The following FAM83C variants were observed in gnomAD, a reference collection of about 807,000 sequenced individuals.
The protein encoded by FAM83C is scaffolding CK1 anchoring protein C, also known as protein FAM83C.
Under a neutral mutation model 27.1 loss-of-function variants are expected in FAM83C, and 23 were observed. That is an observed-to-expected ratio of 0.85 (90% CI 0.61 to 1.20). The LOEUF is 1.20. Among genes scored for constraint, FAM83C ranks in the 50% most tolerant of loss-of-function variants. The pLI is 0.00. For missense variants in FAM83C, 984 were observed against 1,001.3 expected (o/e 0.98, Z 0.23); for synonymous variants, 426 against 423.1 (o/e 1.01, Z -0.09).
Position 35,288,779 on chromosome 20 carries a change from G to A in FAM83C, c.681+12C>T, listed in dbSNP as rs1459626009. 3 of 1,602,466 alleles carry A rather than the reference G, an allele frequency of 1.9e-6. No individual in the cohort carries two copies. The highest frequency in any genetic ancestry group is 1.7e-6 in the Non-Finnish European group (2 of 1,172,996). ...CCCACACCCCTGGTTACTGCCCCTG[G>A]TCCTCACTGACCGGCAGGTGCTCCC... On this transcript the variant is annotated intron_variant, in intron 2 of 3. Transcript: ENST00000374408.
Position 35,289,044 on chromosome 20 carries a change from C to T in FAM83C, c.514-86G>A, listed in dbSNP as rs889788699. 2.2e-5 allele frequency: 33 copies of T among 1,509,148 alleles called. No homozygotes were observed. In the African/African-American group the frequency reaches 2.4e-4, roughly 11 times the overall value. 93.5% of individuals were successfully genotyped at this position (1,509,148 alleles called of 1,614,324 possible). A position where few individuals can be genotyped will look rare whatever the true frequency, so the allele number is the denominator to read the frequency against. On this transcript the variant is annotated intron_variant, in intron 1 of 3. Transcript: ENST00000374408. ...AAACCTGGGGCAGGAAACTGGGCGC[C>T]GGGAAAAGAGTACTGGACTGAAAAT...
chr20:35,288,717 G>A (rs2060837744), intron 2 of FAM83C, 74 bp downstream of exon 2: 1 of 1,546,118 alleles, frequency 6.5e-7, no homozygotes, highest in African/African-American at 1.4e-5. Flanking sequence ...GTGCTGACTG[G>A]CCACCCACTG....
chr20:35,292,255 C>T lies in FAM83C; in HGVS notation c.50G>A (p.Gly17Glu), dbSNP rs554604483. Reference protein sequence around the residue: ...PGVLGAQGMAGPLRGRVEELK... With the variant: ...PGVLGAQGMAEPLRGRVEELK... ...CTCTTCCACCCGGCCCCGCAGGGGTCCCGCCATGCCCTGGGCTCCCAGGAC... is the reference window on the plus strand; with the variant it reads ...CTCTTCCACCCGGCCCCGCAGGGGTTCCGCCATGCCCTGGGCTCCCAGGAC... The change falls in exon 1 of 4, where the codon GGA becomes GAA. Residue 17 changes from glycine (G) to glutamate (E), a missense_variant. Coordinates refer to ENST00000374408, the MANE Select transcript of FAM83C (RefSeq NM_178468.6). The T allele has an allele frequency of 3.8e-5, 60 of 1,563,570 alleles. 1 individual carries two copies. In the South Asian group the frequency reaches 6.5e-4, roughly 17 times the overall value.
At position 35,287,677 on chromosome 20, in the gene FAM83C, C is replaced by T; in HGVS notation, c.1102G>A (p.Gly368Ser). 1 of 1,614,040 alleles carries T rather than the reference C, an allele frequency of 6.2e-7. No individual in the cohort carries two copies. Among genetic ancestry groups the T allele is most frequent in the South Asian group, 1.1e-5 (1 of 91,076 alleles). The part of the protein sequence containing the change: ...GRSSYLALPG[G>S]GDCSDTGVVS... ...ACACCCGTATCACTGCAATCACCAC[C>T]TCCTGGTAGAGCGAGGTAGGAGGAG... The change falls in exon 4 of 4, where the codon GGT becomes AGT. Residue 368 changes from glycine to serine, a missense_variant. By Grantham distance (56) the Gly-to-Ser change is moderately conservative. Transcript: ENST00000374408.
rs775928751 is a variant in FAM83C at position 35,286,555 on chromosome 20, G to A, written c.2224C>T (p.Arg742Ter). Residue 742 changes from arginine (R) to a stop codon, truncating the protein, a stop_gained, in exon 4 of 4, where the codon CGA becomes TGA. Coordinates refer to ENST00000374408, the MANE Select transcript of FAM83C (RefSeq NM_178468.6). LOFTEE classifies it high-confidence loss of function. ...KYNKSKFKQL[R>*]SRFES ...TTTGGCTAGGACTCAAAGCGGCTTC[G>A]GAGCTGCTTGAACTTGGACTTGTTG... 42 of 1,612,626 alleles carry A rather than the reference G, an allele frequency of 2.6e-5. 2 individuals are homozygous for A. The highest frequency in any genetic ancestry group is 2.2e-4 in the South Asian group (20 of 90,932).
Position 35,287,287 on chromosome 20 carries a change from T to C in FAM83C, c.1492A>G (p.Lys498Glu), listed in dbSNP as rs1402464999. Residue 498 changes from lysine (K) to glutamate (E), a missense_variant, in exon 4 of 4, where the codon AAG becomes GAG. Physicochemically the swap from Lys to Glu is moderately conservative, Grantham distance 56. Transcript: ENST00000374408. ...CCACGGCTCTGACTTGGAGATGCCT[T>C]CTTCTCCTTCTCCTCCACTGTCTCC... ...TLETVEEKEK[K>E]ASPSQSRGQL... 9.3e-6 allele frequency: 15 copies of C among 1,613,286 alleles called. No individual in the cohort carries two copies. The African/African-American group carries it at 1.7e-4, about 19-fold the overall frequency.
At position 35,286,241 on chromosome 20, in the gene FAM83C, G is replaced by A; in HGVS notation, c.*294C>T. 2.6e-6 allele frequency: 1 copy of A among 381,034 alleles called. No homozygotes were observed. The highest frequency in any genetic ancestry group is 4.3e-5 in the Admixed American group (1 of 23,142). The allele number at this position is 381,034 out of a possible 1,614,324, so 23.6% of individuals were successfully genotyped here. On this transcript the variant is annotated 3_prime_UTR_variant, in exon 4 of 4. Transcript: ENST00000374408. The stretch of plus-strand genomic sequence containing the variant: ...TGATATGGCTCTGACCCCTTCTCCA[G>A]CAGCTTGTGCATTTCACCTCTGTCC...
chr20:35,288,326 C>A (rs1284932907), intron 3 of FAM83C, 135 bp downstream of exon 3: 5 of 1,484,502 alleles, frequency 3.4e-6, no homozygotes, highest in Non-Finnish European at 3.6e-6. Flanking sequence ...ACACCCTCCC[C>A]TGAGCCTGGC....
intron 1 of FAM83C, 113 bp downstream of exon 1, chr20:35,291,679 G>T (rs2060847180): frequency 7.2e-7 from 1 of 1,391,212 alleles, no homozygotes; most frequent in Non-Finnish European, 9.9e-7. Context: ...TGCCAGAGGT[G>T]CTGGTCCTCA....
chr20:35,286,681 C>T lies in FAM83C; in HGVS notation c.2098G>A (p.Gly700Ser), dbSNP rs1402019825. 2 of 1,613,944 alleles carry T rather than the reference C, an allele frequency of 1.2e-6. No homozygotes were observed. Among genetic ancestry groups the T allele is most frequent in the South Asian group, 1.1e-5 (1 of 91,070 alleles). Residue 700 changes from glycine (G) to serine (S), a missense_variant, in exon 4 of 4, where the codon GGT becomes AGT. By Grantham distance (56) the Gly-to-Ser change is moderately conservative. Transcript: ENST00000374408. The part of the protein sequence containing the change: ...HGARQGTEPG[G>S]PKGGHLNGGN... ...CCATTGAGATGGCCACCCTTGGGAC[C>T]CCCAGGCTCAGTTCCCTGCCTGGCC...
intron 1 of FAM83C, 117 bp from the exon 2 acceptor site, chr20:35,289,075 G>A: frequency 7.6e-7 from 1 of 1,324,408 alleles, no homozygotes; most frequent in Non-Finnish European, 1.0e-6. Context: ...AAAATCAGGA[G>A]GCCAGAGCCT....
Position 35,287,984 on chromosome 20 carries a change from G to T in FAM83C, c.807-12C>A. The T allele has an allele frequency of 6.4e-7, 1 of 1,560,024 alleles. No individual in the cohort carries two copies. The highest frequency in any genetic ancestry group is 2.4e-5 in the East Asian group (1 of 42,388). On this transcript the variant is annotated splice_polypyrimidine_tract_variant and intron_variant, in intron 3 of 3. Coordinates refer to ENST00000374408, the MANE Select transcript of FAM83C (RefSeq NM_178468.6). ...AAAGCCAGGTGAAGCTGGGGGCAGA[G>T]GGACAGGGGGGTCAGGAGGCAAAGT...
rs200441982 is a variant in FAM83C at position 35,286,794 on chromosome 20, G to A, written c.1985C>T (p.Thr662Met). 8.1e-6 allele frequency: 13 copies of A among 1,613,878 alleles called. No homozygotes were observed. The South Asian group carries it at 9.9e-5, about 12-fold the overall frequency. The change falls in exon 4 of 4, where the codon ACG becomes ATG. Residue 662 changes from threonine (T) to methionine (M), a missense_variant. By Grantham distance (81) the Thr-to-Met change is moderately conservative. Coordinates refer to ENST00000374408, the MANE Select transcript of FAM83C (RefSeq NM_178468.6). ...CTCATCCCCAGACCCAGCTCCAGCC[G>A]TGCGAGCAGGGCTTGATATCGGGAG... ...NGLPISSPAR[T>M]AGAGSGDEKR...
chr20:35,288,995 C>T, intron 1 of FAM83C, 37 bp from the exon 2 acceptor site: 7 of 1,593,680 alleles, frequency 4.4e-6, no homozygotes, highest in Non-Finnish European at 6.0e-6. Flanking sequence ...TCAGCGCTGC[C>T]CAGGGCACTC....
In FAM83C at chr20:35,291,866, C is replaced by T. The variant is rs759608381; in HGVS notation, c.439G>A (p.Val147Met). Reference protein sequence around the residue: ...QATGFSPTQAVVHFQRDKAKN... With the variant: ...QATGFSPTQAMVHFQRDKAKN... ...GCCTTGTCCCTCTGGAAGTGGACCA[C>T]AGCCTGGGTGGGGCTGAAGCCTGTG... Residue 147 changes from valine (V) to methionine (M), a missense_variant, in exon 1 of 4, where the codon GTG (valine) becomes ATG (methionine). Coordinates refer to ENST00000374408, the MANE Select transcript of FAM83C (RefSeq NM_178468.6). 2 of 1,614,058 alleles carry T rather than the reference C, an allele frequency of 1.2e-6. No homozygotes were observed. Among genetic ancestry groups the T allele is most frequent in the Non-Finnish European group, 1.7e-6 (2 of 1,180,042 alleles).
rs1204895600 is a variant in FAM83C at position 35,286,738 on chromosome 20, C to T, written c.2041G>A (p.Asp681Asn). The T allele has an allele frequency of 6.2e-7, 1 of 1,614,094 alleles. No homozygotes were observed. Among genetic ancestry groups the T allele is most frequent in the Non-Finnish European group, 8.5e-7 (1 of 1,180,044 alleles). The part of the protein sequence containing the change: ...KRLTLGHSKL[D>N]LITKYHQLHG... Reference sequence around the variant, plus strand: ...AACTGATGATACTTGGTGATGAGGTCCAGCTTGCTGTGGCCCAGGGTTAGC... The same window carrying T: ...AACTGATGATACTTGGTGATGAGGTTCAGCTTGCTGTGGCCCAGGGTTAGC... Residue 681 changes from aspartate (D) to asparagine (N), a missense_variant, in exon 4 of 4, where the codon GAC becomes AAC. Asp to Asn is a conservative substitution (Grantham distance 23). Transcript: ENST00000374408.
In FAM83C at chr20:35,292,329, G is replaced by T. The variant is rs1407818869; in HGVS notation, c.-25C>A. ...TGCCTGCCACGCGGCTGCCTCACCC[G>T]CCGGCAGGGCCCATGGCCCGCACGC... is the stretch of plus-strand genomic sequence containing the variant. On this transcript the variant is annotated 5_prime_UTR_variant, in exon 1 of 4. Transcript: ENST00000374408. 2.1e-6 allele frequency: 3 copies of T among 1,461,248 alleles called. No individual in the cohort carries two copies. The East Asian group carries it at 7.5e-5, about 36-fold the overall frequency. The allele number at this position is 1,461,248 out of a possible 1,614,324, so 90.5% of individuals were successfully genotyped here.
Position 35,291,231 on chromosome 20 carries a change from G to A in FAM83C, c.513+561C>T, listed in dbSNP as rs370561373. On this transcript the variant is annotated intron_variant, in intron 1 of 3. Coordinates refer to ENST00000374408, the MANE Select transcript of FAM83C (RefSeq NM_178468.6). ...CAGATGTGGTGCAGGAGGGTAGGGG[G>A]CAACTAGGGACCTGAGCCAGCAAGG... Among the ~76,000 whole-genome samples, 6 of 152,280 alleles carry A rather than the reference G, an allele frequency of 3.9e-5. No homozygotes were observed. The South Asian group carries it at 1.0e-3, about 26-fold the overall frequency.
In FAM83C at chr20:35,292,118, C is replaced by A; in HGVS notation, c.187G>T (p.Val63Phe). The A allele has an allele frequency of 6.2e-7, 1 of 1,603,656 alleles. No homozygotes were observed. Among genetic ancestry groups the A allele is most frequent in the Non-Finnish European group, 8.5e-7 (1 of 1,179,864 alleles). Residue 63 changes from valine (V) to phenylalanine (F), a missense_variant, in exon 1 of 4, where the codon GTC becomes TTC. Transcript: ENST00000374408. The stretch of plus-strand genomic sequence containing the variant: ...GGCAGCTCCCGCTCCTCGGAGATGA[C>A]CCGCAGGTAGGCAGCCTCACCCCGC... ...LERGEAAYLRVISEERELPFL... is the reference protein window; with the variant it reads ...LERGEAAYLRFISEERELPFL...
Sources: gnomAD v4.1 joint callset for allele counts (sites outside exome capture counted in the v4.1 genomes callset) on GRCh38, gnomAD v4.1.1 for gene constraint, MANE v1.5 for transcripts, NCBI Gene and HGNC (gene_info 2026-07-23, HGNC 2026-07-21) for gene names.